The following NRG3 variants were observed in gnomAD, a reference collection of about 807,000 sequenced individuals.
NRG3 encodes the protein neuregulin 3.
NRG3 carries 31 observed loss-of-function variants against 66.9 expected under a neutral mutation model. That is an observed-to-expected ratio of 0.46 (90% CI 0.35 to 0.63). The LOEUF (loss-of-function observed/expected upper bound fraction) is 0.63. NRG3 is among the 20% of genes least tolerant of loss of function. The pLI, the probability that NRG3 is intolerant of heterozygous loss-of-function variation, is 0.00. For missense variants in NRG3, 910 were observed against 878.9 expected, an observed-to-expected ratio of 1.04 and a Z score of -0.45; for synonymous variants, 393 against 359.4, an observed-to-expected ratio of 1.09 and a Z score of -1.06.
Position 82,162,853 on chromosome 10 carries a change from A to G in NRG3, c.824-195886A>G, listed in dbSNP as rs866079451. Among the ~76,000 whole-genome samples, 3 of 152,308 alleles carry G rather than the reference A, an allele frequency of 2.0e-5. No individual in the cohort carries two copies. The Middle Eastern group carries it at 0.01, about 518-fold the overall frequency. ...GTTATTTGAGTTAATAAAGCTCTCC[A>G]AATCTGTCTAGTCCTTTAGCTAAAC... On this transcript the variant is annotated intron_variant, in intron 1 of 8. Coordinates refer to ENST00000372141, the MANE Select transcript of NRG3 (RefSeq NM_001010848.4).
intron 1 of NRG3, among the ~76,000 whole-genome samples, chr10:82,349,227 G>A (rs1253988585): frequency 6.6e-6 from 1 of 151,350 alleles, no homozygotes; most frequent in Non-Finnish European, 1.5e-5. Context: ...TGATGGTGAT[G>A]TACAGATGGG....
At chr10:82,128,247 T>A (rs2068583171) in intron 1 of NRG3, among the ~76,000 whole-genome samples, 1 of 152,086 alleles carries the variant, frequency 6.6e-6, no homozygotes, top group Non-Finnish European at 1.5e-5. Flanking sequence ...GCATTGCATT[T>A]ATTTTCTTTA....
chr10:82,800,801 T>G (rs1451103004), intron 3 of NRG3, among the ~76,000 whole-genome samples: 1 of 152,162 alleles, frequency 6.6e-6, no homozygotes, highest in Non-Finnish European at 1.5e-5. Context: ...TCTCCCAATT[T>G]GAATTTTCAC....
In NRG3 at chr10:82,200,558, G is replaced by T. The variant is rs139586304; in HGVS notation, c.824-158181G>T. 2.0e-3 allele frequency among the ~76,000 whole-genome samples: 298 copies of T among 152,256 alleles called. 2 individuals are homozygous for T. Among genetic ancestry groups the T allele is most frequent in the African/African-American group, 6.8e-3 (283 of 41,552 alleles). The stretch of plus-strand genomic sequence containing the variant: ...GATATAGGAGGAGATTGGTGGCATC[G>T]ATGTCTAATATTATTTGGCAAATAA... On this transcript the variant is annotated intron_variant, in intron 1 of 8. Transcript: ENST00000372141.
At chr10:81,996,881 T>G (rs1564723213) in intron 1 of NRG3, among the ~76,000 whole-genome samples, 1 of 152,134 alleles carries the variant, frequency 6.6e-6, no homozygotes, top group Non-Finnish European at 1.5e-5. Context: ...TAGTTGAAAC[T>G]AATTATGGGT....
At chr10:81,971,583 G>A (rs1049262305) in intron 1 of NRG3, among the ~76,000 whole-genome samples, 2 of 152,098 alleles carry the variant, frequency 1.3e-5, no homozygotes, top group African/African-American at 4.8e-5. Flanking sequence ...ATGAAGCAAA[G>A]GTTTTCAAGA....
intron 4 of NRG3, among the ~76,000 whole-genome samples, chr10:82,909,494 G>A (rs1403643946): frequency 6.6e-6 from 1 of 151,974 alleles, no homozygotes; most frequent in Non-Finnish European, 1.5e-5. Context: ...TTTATTCAGT[G>A]ACCCCAAGGG....
chr10:82,213,408 T>C (rs2075501993), intron 1 of NRG3, among the ~76,000 whole-genome samples: 1 of 152,200 alleles, frequency 6.6e-6, no homozygotes, highest in East Asian at 1.9e-4. Flanking sequence ...AAATATTACA[T>C]AAAATTATCT....
At chr10:82,812,798 G>T (rs1169911019) in intron 3 of NRG3, among the ~76,000 whole-genome samples, 1 of 152,110 alleles carries the variant, frequency 6.6e-6, no homozygotes, top group Admixed American at 6.6e-5. Context: ...TTTCTGATAA[G>T]TTTTGAAACT....
chr10:82,933,161 G>A (rs181083045), intron 4 of NRG3, among the ~76,000 whole-genome samples: 4 of 152,316 alleles, frequency 2.6e-5, no homozygotes, highest in African/African-American at 9.6e-5. Context: ...GGCAGCAGTA[G>A]AGGCATTTCT....
At chr10:82,686,043 C>G (rs1186515245) in intron 2 of NRG3, among the ~76,000 whole-genome samples, 1 of 151,920 alleles carries the variant, frequency 6.6e-6, no homozygotes, top group Non-Finnish European at 1.5e-5. Context: ...CTTTTAATAC[C>G]GTGTACTCAG....
At chr10:82,895,769 A>G (rs372684557) in intron 4 of NRG3, among the ~76,000 whole-genome samples, 3 of 152,136 alleles carry the variant, frequency 2.0e-5, no homozygotes, top group Admixed American at 6.5e-5. Flanking sequence ...GGGATTACAG[A>G]CGTGAGCCAC....
At chr10:82,182,987 A>G (rs1393924887) in intron 1 of NRG3, among the ~76,000 whole-genome samples, 1 of 152,086 alleles carries the variant, frequency 6.6e-6, no homozygotes, top group Non-Finnish European at 1.5e-5. Context: ...ATCCACTGAT[A>G]GTGTTATGAG....
chr10:82,895,200 T>C (rs1436977424), intron 4 of NRG3, among the ~76,000 whole-genome samples: 4 of 152,202 alleles, frequency 2.6e-5, no homozygotes, highest in African/African-American at 7.2e-5. Flanking sequence ...ATGATATTGC[T>C]GTTAATATGT....
chr10:82,919,099 GTA>G (rs1491019302), intron 4 of NRG3, among the ~76,000 whole-genome samples: 49 of 118,478 alleles, frequency 4.1e-4, no homozygotes, highest in African/African-American at 1.2e-3. Context: ...GTGTGTGTGT[GTA>G]TGTGTGTGTG....
Position 82,699,250 on chromosome 10 carries a change from G to GGGAA in NRG3, c.954-39301_954-39298dup, listed in dbSNP as rs71822119. ...AGAAAGAAAATAAAAGAAGGAAAGA[G>GGGAA]GGAAGGAAGGAAGGAAGGAAGGAAG... is the stretch of plus-strand genomic sequence containing the variant. On this transcript the variant is annotated intron_variant, in intron 2 of 8. Transcript: ENST00000372141. Among the ~76,000 whole-genome samples, 748 of 148,176 alleles carry GGGAA rather than the reference G, an allele frequency of 5.0e-3. 4 individuals are homozygous for GGGAA. The highest frequency in any genetic ancestry group is 0.01 in the Middle Eastern group (3 of 286).
chr10:82,297,740 T>C (rs769917940), intron 1 of NRG3, among the ~76,000 whole-genome samples: 2 of 152,118 alleles, frequency 1.3e-5, no homozygotes, highest in Non-Finnish European at 2.9e-5. Flanking sequence ...ATATATTAAG[T>C]ATACATATGT....
intron 3 of NRG3, among the ~76,000 whole-genome samples, chr10:82,766,371 A>G (rs921316423): frequency 2.0e-5 from 3 of 152,172 alleles, no homozygotes; most frequent in Non-Finnish European, 4.4e-5. Flanking sequence ...GTCAGCCTGA[A>G]CAATAACAAA....
chr10:82,060,141 TTGTC>T (rs1253340160), intron 1 of NRG3, among the ~76,000 whole-genome samples: 1 of 152,250 alleles, frequency 6.6e-6, no homozygotes, highest in Non-Finnish European at 1.5e-5. Flanking sequence ...ATTACTCATA[TTGTC>T]TACAAAGCCA....
Sources: gnomAD v4.1 joint callset for allele counts (sites outside exome capture counted in the v4.1 genomes callset) on GRCh38, gnomAD v4.1.1 for gene constraint, MANE v1.5 for transcripts, NCBI Gene and HGNC (gene_info 2026-07-23, HGNC 2026-07-21) for gene names.